NTNG2: variants seen among roughly 807,000 people sequenced by gnomAD.
NTNG2 encodes the protein netrin G2, also known as netrin-G2.
NTNG2 carries 15 observed loss-of-function variants against 47.6 expected under a neutral mutation model. That is an observed-to-expected ratio of 0.32 (90% confidence interval 0.21 to 0.49). The LOEUF is 0.49. Ranked by LOEUF, NTNG2 falls within the 20% of genes least tolerant of loss-of-function variation. The pLI, the probability that NTNG2 is intolerant of heterozygous loss-of-function variation, is 0.99. For synonymous variants in NTNG2, 307 were observed against 324.6 expected (o/e 0.95, Z 0.58); for missense variants, 578 against 764.6 (o/e 0.76, Z 2.88).
chr9:132,214,273 C>T (rs1416371528), intron 3 of NTNG2, among the ~76,000 whole-genome samples: 1 of 152,228 alleles, frequency 6.6e-6, no homozygotes, highest in East Asian at 1.9e-4. Context: ...GGGCCCCGCT[C>T]ACGATTTTTG....
chr9:132,180,847 T>A lies in NTNG2; in HGVS notation c.213+13803T>A, dbSNP rs1320501537. ...GGCCCCACTTGAGAATCCATGGTGC[T>A]CTTCCTAGAACCACGCATGTGCACA... On this transcript the variant is annotated intron_variant, in intron 2 of 7. Transcript: ENST00000393229. The surrounding 1 kb of genome is among the most constrained non-coding windows in gnomAD (Gnocchi z 4.2). Among the ~76,000 whole-genome samples, 1 of 152,198 alleles carries A rather than the reference T, an allele frequency of 6.6e-6. No homozygotes were observed. Among genetic ancestry groups the A allele is most frequent in the Non-Finnish European group, 1.5e-5 (1 of 68,034 alleles).
chr9:132,227,476 C>T (rs1198399616), intron 4 of NTNG2, among the ~76,000 whole-genome samples: 1 of 152,162 alleles, frequency 6.6e-6, no homozygotes, highest in African/African-American at 2.4e-5. Context: ...GGGGTGGGAC[C>T]CCCACTTCAG....
At position 132,167,058 on chromosome 9, in the gene NTNG2, C is replaced by T; in HGVS notation, c.213+14C>T. 1 of 1,613,100 alleles carries T rather than the reference C, an allele frequency of 6.2e-7. No homozygotes were observed. Among genetic ancestry groups the T allele is most frequent in the Non-Finnish European group, 8.5e-7 (1 of 1,179,102 alleles). ...TTCTGCTCCCATGTAAGTCCACTTA[C>T]TGCTCTTTTGTTTGCCCAGGCCAAG... On this transcript the variant is annotated intron_variant, in intron 2 of 7. Coordinates refer to ENST00000393229, the MANE Select transcript of NTNG2 (RefSeq NM_032536.4).
intron 6 of NTNG2, 174 bp from the exon 7 acceptor site, chr9:132,240,736 G>A (rs1329668897): frequency 1.6e-5 from 14 of 879,162 alleles, no homozygotes; most frequent in Non-Finnish European, 2.3e-5. Context: ...TCCAGGCCTG[G>A]CCACCCTGGG....
At chr9:132,167,765 T>C (rs1323978068) in intron 2 of NTNG2, among the ~76,000 whole-genome samples, 2 of 152,150 alleles carry the variant, frequency 1.3e-5, no homozygotes, top group African/African-American at 4.8e-5. Flanking sequence ...ACTCAAGTAA[T>C]GTTAACAGCA....
At chr9:132,201,717 G>A (rs1023589812) in intron 3 of NTNG2, among the ~76,000 whole-genome samples, 5 of 152,212 alleles carry the variant, frequency 3.3e-5, no homozygotes, top group African/African-American at 9.6e-5. Flanking sequence ...CATTTGCTAC[G>A]GGCTCATTTG....
Position 132,182,578 on chromosome 9 carries a change from G to A in NTNG2, c.214-15388G>A, listed in dbSNP as rs1368703642. Among the ~76,000 whole-genome samples the A allele has an allele frequency of 1.3e-5, 2 of 152,286 alleles. No individual in the cohort carries two copies. Among genetic ancestry groups the A allele is most frequent in the East Asian group, 1.9e-4 (1 of 5,168 alleles). The stretch of plus-strand genomic sequence containing the variant: ...AGCCACGACCTTGGGTGGACGCTGC[G>A]CCTCATCAGCCCTGACTAGCCGTGA... On this transcript the variant is annotated intron_variant, in intron 2 of 7. Transcript: ENST00000393229. This position sits in a 1 kb window ranked among gnomAD's most constrained non-coding sequence, Gnocchi z 4.2.
At chr9:132,173,739 C>T (rs141605288) in intron 2 of NTNG2, among the ~76,000 whole-genome samples, 36 of 141,270 alleles carry the variant, frequency 2.5e-4, no homozygotes, top group African/African-American at 8.2e-4. Flanking sequence ...CACCATGCTG[C>T]GGATGAGATG....
Position 132,226,658 on chromosome 9 carries a change from C to T in NTNG2, c.858-191C>T, listed in dbSNP as rs1328448038. Reference sequence around the variant, plus strand: ...TGCAGGTGTGGCCTTTGGAACACGGCGTTGATCTCTCTGCAGGAAGGGGAA... The same window carrying T: ...TGCAGGTGTGGCCTTTGGAACACGGTGTTGATCTCTCTGCAGGAAGGGGAA... On this transcript the variant is annotated intron_variant, in intron 3 of 7. Transcript: ENST00000393229. This position sits in a 1 kb window ranked among gnomAD's most constrained non-coding sequence, Gnocchi z 4.8. Among the ~76,000 whole-genome samples the T allele has an allele frequency of 2.0e-5, 3 of 152,212 alleles. No homozygotes were observed. The highest frequency in any genetic ancestry group is 6.5e-5 in the Admixed American group (1 of 15,282).
chr9:132,217,332 G>C (rs1044353458), intron 3 of NTNG2, among the ~76,000 whole-genome samples: 12 of 152,178 alleles, frequency 7.9e-5, no homozygotes, highest in African/African-American at 2.9e-4. Flanking sequence ...CCTGAGGCAG[G>C]GAGGGGAAGG....
rs769570116 is a variant in NTNG2 at position 132,162,569 on chromosome 9, A to AGTGTGTGTGTGTGTGTGTGTGT, written c.-484+357_-484+378dup. Among the ~76,000 whole-genome samples, 5 of 112,468 alleles carry AGTGTGTGTGTGTGTGTGTGTGT rather than the reference A, an allele frequency of 4.4e-5. No homozygotes were observed. The East Asian group carries it at 7.7e-4, about 17-fold the overall frequency. 73.8% of individuals were successfully genotyped at this position (112,468 alleles called of 152,430 possible). A position where few individuals can be genotyped will look rare whatever the true frequency, so the allele number is the denominator to read the frequency against. On this transcript the variant is annotated intron_variant, in intron 1 of 7. Coordinates refer to ENST00000393229, the MANE Select transcript of NTNG2 (RefSeq NM_032536.4). This position sits in a 1 kb window ranked among gnomAD's most constrained non-coding sequence, Gnocchi z 4.6. The stretch of plus-strand genomic sequence containing the variant: ...GTGTGTGTGTGTGAGAGAGAGACAG[A>AGTGTGTGTGTGTGTGTGTGTGT]GTGTGTGTGTGTGTGTGTGTGTGTG...
Position 132,198,161 on chromosome 9 carries a change from G to T in NTNG2, c.409G>T (p.Val137Leu). The change falls in exon 3 of 8, where the codon GTG becomes TTG. Residue 137 changes from valine (V) to leucine (L), a missense_variant. Coordinates refer to ENST00000393229, the MANE Select transcript of NTNG2 (RefSeq NM_032536.4). The part of the protein sequence containing the change: ...WNKTVELTDD[V>L]VMTFEYGRPT... The stretch of plus-strand genomic sequence containing the variant: ...CAAGACCGTGGAGCTGACCGACGAC[G>T]TGGTGATGACCTTCGAGTACGGCCG... The T allele has an allele frequency of 6.2e-7, 1 of 1,613,708 alleles. No homozygotes were observed. Among genetic ancestry groups the T allele is most frequent in the Non-Finnish European group, 8.5e-7 (1 of 1,180,028 alleles).
At position 132,162,948 on chromosome 9, in the gene NTNG2, G is replaced by A. The variant is rs1317071448; in HGVS notation, c.-484+709G>A. Reference sequence around the variant, plus strand: ...CGGGAAGGCGGGAAGAGAGGACCGCGGGCTCGCGGGGTCCGCCCGCTCCGG... The same window carrying A: ...CGGGAAGGCGGGAAGAGAGGACCGCAGGCTCGCGGGGTCCGCCCGCTCCGG... On this transcript the variant is annotated intron_variant, in intron 1 of 7. Transcript: ENST00000393229. This position sits in a 1 kb window ranked among gnomAD's most constrained non-coding sequence, Gnocchi z 4.6. Among the ~76,000 whole-genome samples the A allele has an allele frequency of 1.3e-5, 2 of 152,152 alleles. No homozygotes were observed. The highest frequency in any genetic ancestry group is 2.9e-5 in the Non-Finnish European group (2 of 68,036).
Position 132,236,981 on chromosome 9 carries a change from T to C in NTNG2, c.1055-2123T>C, listed in dbSNP as rs1161757929. Among the ~76,000 whole-genome samples, 4 of 152,186 alleles carry C rather than the reference T, an allele frequency of 2.6e-5. No homozygotes were observed. Among genetic ancestry groups the C allele is most frequent in the Non-Finnish European group, 5.9e-5 (4 of 68,030 alleles). Reference sequence around the variant, plus strand: ...CAAGTTTAGTCTCTGGGTTTGATGCTCCAGGAAGTTTGGAGAGGCGGTGGG... The same window carrying C: ...CAAGTTTAGTCTCTGGGTTTGATGCCCCAGGAAGTTTGGAGAGGCGGTGGG... On this transcript the variant is annotated intron_variant, in intron 5 of 7. Coordinates refer to ENST00000393229, the MANE Select transcript of NTNG2 (RefSeq NM_032536.4). This position sits in a 1 kb window ranked among gnomAD's most constrained non-coding sequence, Gnocchi z 4.3.
intron 5 of NTNG2, among the ~76,000 whole-genome samples, chr9:132,234,091 A>G (rs1841447553): frequency 6.7e-6 from 1 of 149,852 alleles, no homozygotes; most frequent in African/African-American, 2.5e-5. Context: ...GCAATGGAGC[A>G]ATCTCAGCTC....
intron 3 of NTNG2, among the ~76,000 whole-genome samples, chr9:132,200,342 G>A (rs1838652814): frequency 6.6e-6 from 1 of 152,174 alleles, no homozygotes; most frequent in Non-Finnish European, 1.5e-5. Flanking sequence ...TCTCTCCACT[G>A]CAGGCTTTCA....
At position 132,219,818 on chromosome 9, in the gene NTNG2, A is replaced by T. The variant is rs373523349; in HGVS notation, c.858-7031A>T. Reference sequence around the variant, plus strand: ...ATTAGCAATGCTGCTATCAACATTCATGTACACATTTTGTGTGGACATGTT... The same window carrying T: ...ATTAGCAATGCTGCTATCAACATTCTTGTACACATTTTGTGTGGACATGTT... On this transcript the variant is annotated intron_variant, in intron 3 of 7. Coordinates refer to ENST00000393229, the MANE Select transcript of NTNG2 (RefSeq NM_032536.4). Among the ~76,000 whole-genome samples the T allele has an allele frequency of 5.3e-5, 8 of 152,302 alleles. No homozygotes were observed. In the East Asian group the frequency reaches 1.3e-3, roughly 26 times the overall value.
chr9:132,197,247 G>A lies in NTNG2; in HGVS notation c.214-719G>A, dbSNP rs1283906179. On this transcript the variant is annotated intron_variant, in intron 2 of 7. Coordinates refer to ENST00000393229, the MANE Select transcript of NTNG2 (RefSeq NM_032536.4). This position sits in a 1 kb window ranked among gnomAD's most constrained non-coding sequence, Gnocchi z 4.3. ...CTACTAAAAACACAAAAATTAGCCG[G>A]GCGTGGTGGTGCATGCCTGTAATCC... Among the ~76,000 whole-genome samples the A allele has an allele frequency of 6.6e-6, 1 of 152,126 alleles. No homozygotes were observed. The highest frequency in any genetic ancestry group is 1.5e-5 in the Non-Finnish European group (1 of 68,026).
Position 132,197,602 on chromosome 9 carries a change from G to A in NTNG2, c.214-364G>A, listed in dbSNP as rs2130721684. ...TGTCCCGGGGAGGCCCAGGCACACT[G>A]TCACCAGGTGTGGGAGGGCAGGTTG... On this transcript the variant is annotated intron_variant, in intron 2 of 7. Coordinates refer to ENST00000393229, the MANE Select transcript of NTNG2 (RefSeq NM_032536.4). The surrounding 1 kb of genome is among the most constrained non-coding windows in gnomAD (Gnocchi z 4.3). 6.6e-6 allele frequency among the ~76,000 whole-genome samples: 1 copy of A among 152,130 alleles called. No homozygotes were observed. Among genetic ancestry groups the A allele is most frequent in the East Asian group, 1.9e-4 (1 of 5,158 alleles).
Sources: allele counts gnomAD v4.1 joint callset (sites outside exome capture counted in the v4.1 genomes callset), GRCh38; gene constraint gnomAD v4.1.1; non-coding constraint Gnocchi (gnomAD v3.1); transcripts MANE v1.5; gene names NCBI Gene and HGNC (gene_info 2026-07-23, HGNC 2026-07-21).